The following TLE3 variants were observed in gnomAD, a reference collection of about 807,000 sequenced individuals.
TLE3 encodes TLE family member 3, transcriptional corepressor.
A neutral mutation model predicts 93.0 loss-of-function variants in TLE3; 14 were observed. The ratio of observed to expected loss-of-function variants is 0.15; its 90% confidence interval spans 0.10 to 0.24. TLE3 has a LOEUF of 0.24. Ranked by LOEUF, TLE3 falls within the 10% of genes least tolerant of loss-of-function variation. The pLI is 1.00. For synonymous variants in TLE3, 451 were observed against 425.0 expected (o/e 1.06, Z -0.75); for missense variants, 693 against 1,046.6 (o/e 0.66, Z 4.66).
intron 4 of TLE3, among the ~76,000 whole-genome samples, chr15:70,084,219 T>C (rs1188550735): frequency 6.6e-6 from 1 of 152,204 alleles, no homozygotes; most frequent in Non-Finnish European, 1.5e-5. Flanking sequence ...GCCAGACTCC[T>C]TCCTCTATAA....
intron 8 of TLE3, among the ~76,000 whole-genome samples, chr15:70,062,031 T>C (rs1157025861): frequency 6.6e-6 from 1 of 152,196 alleles, no homozygotes; most frequent in Non-Finnish European, 1.5e-5. Context: ...GGCTGGGCAG[T>C]ATTCGGTGGG....
chr15:70,052,881 G>A (rs1243342190), intron 17 of TLE3: 1 of 318,040 alleles, frequency 3.1e-6, no homozygotes, highest in Non-Finnish European at 5.8e-6. Context: ...TCGGGTTTAT[G>A]GCTACGCCTT....
rs180770777 is a variant in TLE3, at chr15:70,075,210, G to A, written c.298-603C>T. On this transcript the variant is annotated intron_variant, in intron 5 of 19. Coordinates refer to ENST00000451782, the MANE Select transcript of TLE3 (RefSeq NM_001105192.3). ...ATGTAAACTACGGACTTTGGGTGAT[G>A]ATGTGTCAATGTAGATTCATCAGTT... Among the ~76,000 whole-genome samples, 352 of 152,358 alleles carry A rather than the reference G, an allele frequency of 2.3e-3. 1 individual carries two copies. The highest frequency in any genetic ancestry group is 4.8e-3 in the African/African-American group (201 of 41,582).
At chr15:70,056,929 A>G (rs572776111) in intron 13 of TLE3, among the ~76,000 whole-genome samples, 2 of 152,152 alleles carry the variant, frequency 1.3e-5, no homozygotes, top group South Asian at 4.2e-4. Context: ...TTGTATTTTT[A>G]GTAGAGATGA....
At chr15:70,095,496 C>G (rs1289705990) in intron 3 of TLE3, 82 bp downstream of exon 3, 4 of 1,546,980 alleles carry the variant, frequency 2.6e-6, no homozygotes, top group Admixed American at 3.9e-5. Flanking sequence ...GGGGACCTGG[C>G]GCTCATCTCC....
chr15:70,076,248 G>T, intron 4 of TLE3, 90 bp from the exon 5 acceptor site: 2 of 1,213,800 alleles, frequency 1.6e-6, no homozygotes, highest in Non-Finnish European at 1.2e-6. Context: ...ACTCCCCCCA[G>T]ACCACAGCCC....
rs1193875083 is a variant in TLE3 at position 70,097,098 on chromosome 15, G to C, written c.-300C>G. On this transcript the variant is annotated 5_prime_UTR_variant, in exon 1 of 20. Transcript: ENST00000451782. Reference sequence around the variant, plus strand: ...CGGCCGGCCGCCTTCCCTGGGCTGCGTCGAGCGCGTCAATGCCTGGGACTG... The same window carrying C: ...CGGCCGGCCGCCTTCCCTGGGCTGCCTCGAGCGCGTCAATGCCTGGGACTG... The C allele has an allele frequency of 6.4e-6, 3 of 471,302 alleles. No individual in the cohort carries two copies. Among genetic ancestry groups the C allele is most frequent in the African/African-American group, 2.1e-5 (1 of 48,626 alleles). 29.2% of individuals were successfully genotyped at this position (471,302 alleles called of 1,614,324 possible). A position where few individuals can be genotyped will look rare whatever the true frequency, so the allele number is the denominator to read the frequency against.
intron 7 of TLE3, among the ~76,000 whole-genome samples, chr15:70,064,722 G>A (rs2056706869): frequency 6.6e-6 from 1 of 152,078 alleles, no homozygotes; most frequent in Non-Finnish European, 1.5e-5. Context: ...TAGTCCCCAG[G>A]GTGGGCAAGG....
intron 4 of TLE3, among the ~76,000 whole-genome samples, chr15:70,092,395 A>G (rs1046272424): frequency 5.3e-5 from 8 of 152,188 alleles, no homozygotes; most frequent in African/African-American, 1.9e-4. Context: ...CAGAGCACAC[A>G]TGTTCAGGCT....
chr15:70,057,649 A>G lies in TLE3; in HGVS notation c.1061T>C (p.Leu354Pro). 1 of 1,574,106 alleles carries G rather than the reference A, an allele frequency of 6.4e-7. No individual in the cohort carries two copies. Among genetic ancestry groups the G allele is most frequent in the Non-Finnish European group, 8.6e-7 (1 of 1,165,380 alleles). Reference protein sequence around the residue: ...PPGMDPIASALRTPISITSSY... With the variant: ...PPGMDPIASAPRTPISITSSY... ...GCTGGTGATGGAGATGGGCGTGCGC[A>G]GAGCCGAGGCTGCGAGGGGTGGGCG... Residue 354 changes from leucine (L) to proline (P), a missense_variant, in exon 13 of 20, where the codon CTG becomes CCG. Physicochemically the swap from Leu to Pro is moderately conservative, Grantham distance 98. Around this residue, in one of 4 missense-constraint regions of TLE3, gnomAD observed 405 missense variants for 468.9 expected, o/e 0.86. Coordinates refer to ENST00000451782, the MANE Select transcript of TLE3 (RefSeq NM_001105192.3).
chr15:70,051,239 C>CT (rs2055507719), intron 19 of TLE3, 152 bp downstream of exon 19: 1 of 675,902 alleles, frequency 1.5e-6, no homozygotes, highest in Non-Finnish European at 2.4e-6. Flanking sequence ...TCTTGCTCCC[C>CT]TATCAGGTAG....
At chr15:70,079,288 G>C in intron 4 of TLE3, 3 of 459,732 alleles carry the variant, frequency 6.5e-6, no homozygotes, top group Non-Finnish European at 1.3e-5. Flanking sequence ...CTTTCCTGAG[G>C]CCCATGTTCG....
At chr15:70,092,365 G>A (rs1351713625) in intron 4 of TLE3, among the ~76,000 whole-genome samples, 2 of 152,200 alleles carry the variant, frequency 1.3e-5, no homozygotes, top group African/African-American at 4.8e-5. Context: ...ACTGCCATAA[G>A]CTTGCAAAGC....
rs1468636884 is a variant in TLE3, at chr15:70,053,350, C to T, written c.1851G>A (p.Gly617=). The change falls in exon 17 of 20, where the codon GGG becomes GGA. Residue 617 remains glycine (G), a synonymous_variant. Coordinates refer to ENST00000451782, the MANE Select transcript of TLE3 (RefSeq NM_001105192.3). ...CATGGGAGATGTCTATGCAGCTGGC[C>T]CCATCTGTGTGGCCCTGGAACTGCC... ...LVRQFQGHTD[G]ASCIDISHDG... The T allele has an allele frequency of 1.2e-6, 2 of 1,608,406 alleles. No homozygotes were observed. Among genetic ancestry groups the T allele is most frequent in the Middle Eastern group, 1.7e-4 (1 of 6,056 alleles).
In TLE3 at chr15:70,097,678, G is replaced by A. The variant is rs1051605839; in HGVS notation, c.-880C>T. 2.5e-6 allele frequency: 1 copy of A among 397,872 alleles called. No individual in the cohort carries two copies. Among genetic ancestry groups the A allele is most frequent in the African/African-American group, 2.1e-5 (1 of 48,700 alleles). The allele number at this position is 397,872 out of a possible 1,614,324, so 24.6% of individuals were successfully genotyped here. ...CGCACAGGCAGGAGAGCGCTGGAGG[G>A]GAGACGCAGCCCGAGACCGGGGAGC... On this transcript the variant is annotated 5_prime_UTR_variant, in exon 1 of 20. Transcript: ENST00000451782.
chr15:70,075,828 C>T (rs1444330217), intron 5 of TLE3, among the ~76,000 whole-genome samples: 1 of 152,120 alleles, frequency 6.6e-6, no homozygotes, highest in Admixed American at 6.5e-5. Flanking sequence ...ATGGTTAGGT[C>T]GCATGCCAGC....
Position 70,076,156 on chromosome 15 carries a change from T to G in TLE3, c.237A>C (p.Thr79=), listed in dbSNP as rs754937836. 20 of 1,611,646 alleles carry G rather than the reference T, an allele frequency of 1.2e-5. No homozygotes were observed. The Admixed American group carries it at 1.5e-4, about 12-fold the overall frequency. The part of the protein sequence containing the change: ...YGLNIEMHKQ[T]EIAKRLNTIL... The stretch of plus-strand genomic sequence containing the variant: ...TTGTGTTCAGTCTCTTCGCAATCTC[T>G]GTCTGCAAAGGCAAGGAGACCACAT... Residue 79 remains threonine, a splice_region_variant and synonymous_variant, in exon 5 of 20, where the codon ACA becomes ACC. Coordinates refer to ENST00000451782, the MANE Select transcript of TLE3 (RefSeq NM_001105192.3).
chr15:70,089,729 C>A (rs938355987), intron 4 of TLE3, among the ~76,000 whole-genome samples: 1 of 152,212 alleles, frequency 6.6e-6, no homozygotes, highest in East Asian at 1.9e-4. Flanking sequence ...GTCTTTGTCA[C>A]GTTTTTGCCC....
intron 4 of TLE3, among the ~76,000 whole-genome samples, chr15:70,081,494 T>C (rs1200873767): frequency 1.3e-5 from 2 of 152,238 alleles, no homozygotes; most frequent in Non-Finnish European, 2.9e-5. Flanking sequence ...GAAGAGCCTC[T>C]AGGCAAGAAC....
Sources: allele counts gnomAD v4.1 joint callset (sites outside exome capture counted in the v4.1 genomes callset), GRCh38; gene constraint gnomAD v4.1.1; regional missense constraint gnomAD v4.1.1; transcripts MANE v1.5; gene names NCBI Gene and HGNC (gene_info 2026-07-23, HGNC 2026-07-21).